The following PARD3B variants were observed in gnomAD, a reference collection of about 807,000 sequenced individuals.
The protein encoded by PARD3B is partitioning defective 3 homolog B.
Under a neutral mutation model 130.2 loss-of-function variants are expected in PARD3B, and 103 were observed. That is an observed-to-expected ratio of 0.79 (90% CI 0.67 to 0.93). PARD3B has a LOEUF of 0.93. Among genes scored for constraint, PARD3B ranks in the 40% least tolerant of loss-of-function variants. PARD3B has a pLI of 0.00. For missense variants in PARD3B, 1,609 were observed against 1,499.2 expected (o/e 1.07, Z -1.21); for synonymous variants, 583 against 553.2 (o/e 1.05, Z -0.76).
chr2:205,373,869 T>C (rs950236504), intron 18 of PARD3B, among the ~76,000 whole-genome samples: 4 of 152,238 alleles, frequency 2.6e-5, no homozygotes, highest in Admixed American at 6.5e-5. Context: ...CATTTCTGCA[T>C]GCTAGAAAGA....
At chr2:205,275,138 A>T (rs1321796526) in intron 16 of PARD3B, among the ~76,000 whole-genome samples, 1 of 152,036 alleles carries the variant, frequency 6.6e-6, no homozygotes, top group East Asian at 1.9e-4. Flanking sequence ...TATAATCACA[A>T]ATCAAACCCA....
Position 205,050,251 on chromosome 2 carries a change from G to A in PARD3B, c.504+2561G>A, listed in dbSNP as rs137877202. ...TTAATCTGACTCAGCCATTCTCTCC[G>A]TTTCCCAAAGAGCATCTACCAGGGA... On this transcript the variant is annotated intron_variant, in intron 4 of 22. Coordinates refer to ENST00000406610, the MANE Select transcript of PARD3B (RefSeq NM_001302769.2). Among the ~76,000 whole-genome samples the A allele has an allele frequency of 4.3e-3, 645 of 150,700 alleles. 1 individual carries two copies. The highest frequency in any genetic ancestry group is 0.011 in the South Asian group (50 of 4,748).
intron 22 of PARD3B, among the ~76,000 whole-genome samples, chr2:205,606,371 C>G (rs574104679): frequency 6.6e-6 from 1 of 152,336 alleles, no homozygotes; most frequent in South Asian, 2.1e-4. Context: ...TCCCTTGCCC[C>G]ATGTGGCTCC....
chr2:205,299,133 A>T (rs1278220687), intron 16 of PARD3B, among the ~76,000 whole-genome samples: 1 of 152,190 alleles, frequency 6.6e-6, no homozygotes, highest in Non-Finnish European at 1.5e-5. Context: ...CGTTCGGATC[A>T]TAGGTAAAGG....
chr2:204,676,617 A>T (rs1324906975), intron 1 of PARD3B, among the ~76,000 whole-genome samples: 1 of 150,574 alleles, frequency 6.6e-6, no homozygotes, highest in East Asian at 2.0e-4. Flanking sequence ...CTCTTGAAAG[A>T]TGTAGAGAGC....
At chr2:205,535,888 A>G (rs1453451893) in intron 21 of PARD3B, among the ~76,000 whole-genome samples, 1 of 152,180 alleles carries the variant, frequency 6.6e-6, no homozygotes, top group Admixed American at 6.5e-5. Context: ...CTAGTAGAGA[A>G]TTGTACCCCA....
intron 21 of PARD3B, among the ~76,000 whole-genome samples, chr2:205,533,604 A>C (rs750503702): frequency 1.4e-4 from 22 of 152,230 alleles, no homozygotes; most frequent in Non-Finnish European, 2.8e-4. Flanking sequence ...AACAGGAAAC[A>C]TAAGTGTTCA....
At chr2:205,417,759 C>T (rs147186232) in intron 19 of PARD3B, among the ~76,000 whole-genome samples, 1 of 152,324 alleles carries the variant, frequency 6.6e-6, no homozygotes, top group Non-Finnish European at 1.5e-5. Flanking sequence ...CTTAACCTTT[C>T]ACTGAAACAC....
intron 21 of PARD3B, among the ~76,000 whole-genome samples, chr2:205,516,433 TTTGTAA>T (rs149498688): frequency 1.3e-5 from 2 of 152,186 alleles, no homozygotes; most frequent in African/African-American, 4.8e-5. Context: ...CTCTGATTCC[TTTGTAA>T]TTGTAATTGT....
At chr2:204,580,206 GA>G (rs2032479796) in intron 1 of PARD3B, among the ~76,000 whole-genome samples, 1 of 152,184 alleles carries the variant, frequency 6.6e-6, no homozygotes, top group African/African-American at 2.4e-5. Context: ...TCTAAAGAGA[GA>G]GGGGAAAGAG....
intron 4 of PARD3B, among the ~76,000 whole-genome samples, chr2:205,060,708 T>C (rs750085888): frequency 3.9e-5 from 6 of 152,138 alleles, no homozygotes; most frequent in Admixed American, 3.3e-4. Flanking sequence ...AAAGGTCTTT[T>C]ATAATTACTA....
chr2:205,429,912 G>T (rs1291755541), intron 19 of PARD3B, among the ~76,000 whole-genome samples: 4 of 152,114 alleles, frequency 2.6e-5, no homozygotes, highest in African/African-American at 7.2e-5. Flanking sequence ...GCAATCCTGG[G>T]TGTTTCTTAG....
intron 7 of PARD3B, 78 bp downstream of exon 7, chr2:205,119,124 A>G: frequency 6.9e-7 from 1 of 1,456,462 alleles, no homozygotes. Context: ...CATTATGATC[A>G]AAATAGTAGG....
intron 18 of PARD3B, among the ~76,000 whole-genome samples, chr2:205,306,036 A>T (rs2042171856): frequency 6.6e-6 from 1 of 152,214 alleles, no homozygotes; most frequent in South Asian, 2.1e-4. Flanking sequence ...ACCCAATGTA[A>T]TCACAAGGAG....
At position 205,575,973 on chromosome 2, in the gene PARD3B, C is replaced by A. The variant is rs1200160120; in HGVS notation, c.3260+22570C>A. On this transcript the variant is annotated intron_variant, in intron 22 of 22. Coordinates refer to ENST00000406610, the MANE Select transcript of PARD3B (RefSeq NM_001302769.2). The surrounding 1 kb of genome is among the most constrained non-coding windows in gnomAD (Gnocchi z 4.6). ...AAACTATCTTCCAAAGTGGCTGTACCATTTTGAATTCCCACAAGCAATGAG... is the reference window on the plus strand; with the variant it reads ...AAACTATCTTCCAAAGTGGCTGTACAATTTTGAATTCCCACAAGCAATGAG... Among the ~76,000 whole-genome samples, 1 of 152,146 alleles carries A rather than the reference C, an allele frequency of 6.6e-6. No homozygotes were observed. The highest frequency in any genetic ancestry group is 1.5e-5 in the Non-Finnish European group (1 of 68,028).
chr2:205,180,704 A>AT (rs1408690573), intron 13 of PARD3B, among the ~76,000 whole-genome samples: 2 of 146,846 alleles, frequency 1.4e-5, no homozygotes, highest in East Asian at 2.0e-4. Context: ...CTTGGTTTTT[A>AT]TTTTTTTTAT....
rs2046377155 is a variant in PARD3B, at chr2:205,405,163, T to G, written c.2741+4040T>G. On this transcript the variant is annotated intron_variant, in intron 19 of 22. Transcript: ENST00000406610. This position sits in a 1 kb window ranked among gnomAD's most constrained non-coding sequence, Gnocchi z 4.1. ...GATGAGTTGGGTTACTAGATTAGAT[T>G]AGAGGAATGCAGAGTCTAGAACAGT... is the stretch of plus-strand genomic sequence containing the variant. 6.6e-6 allele frequency among the ~76,000 whole-genome samples: 1 copy of G among 152,100 alleles called. No individual in the cohort carries two copies.
intron 3 of PARD3B, among the ~76,000 whole-genome samples, chr2:204,972,074 C>T (rs1363852043): frequency 3.3e-5 from 5 of 151,910 alleles, no homozygotes; most frequent in Non-Finnish European, 7.4e-5. Context: ...GCCAGTGGTA[C>T]TAGTTAAAGA....
chr2:204,621,766 A>G (rs2034309645), intron 1 of PARD3B, among the ~76,000 whole-genome samples: 1 of 152,350 alleles, frequency 6.6e-6, no homozygotes. Flanking sequence ...AAATTATTCA[A>G]CAGTCTATCT....
Sources: allele counts gnomAD v4.1 joint callset (sites outside exome capture counted in the v4.1 genomes callset), GRCh38; gene constraint gnomAD v4.1.1; non-coding constraint Gnocchi (gnomAD v3.1); transcripts MANE v1.5; gene names NCBI Gene and HGNC (gene_info 2026-07-23, HGNC 2026-07-21).